Variants in SEMA3E observed in about 807,000 individuals in gnomAD.
SEMA3E encodes the protein semaphorin 3E, also known as semaphorin-3E.
A neutral mutation model predicts 93.6 loss-of-function variants in SEMA3E; 49 were observed. That is an observed-to-expected ratio of 0.52 (90% CI 0.42 to 0.66). The LOEUF is 0.66. SEMA3E is among the 30% of genes least tolerant of loss of function. SEMA3E has a pLI of 0.00. For synonymous variants in SEMA3E, 363 were observed against 330.7 expected (o/e 1.10, Z -1.06); for missense variants, 906 against 964.8 (o/e 0.94, Z 0.81).
chr7:83,386,787 A>G (rs1787891663), intron 15 of SEMA3E, among the ~76,000 whole-genome samples, 196 bp downstream of exon 15: 1 of 152,180 alleles, frequency 6.6e-6, no homozygotes, highest in South Asian at 2.1e-4. Flanking sequence ...TAGCACATAA[A>G]ACTTATTTTC....
chr7:83,625,692 T>C (rs964015034), intron 1 of SEMA3E, among the ~76,000 whole-genome samples: 8 of 151,958 alleles, frequency 5.3e-5, no homozygotes, highest in Non-Finnish European at 2.9e-5. Context: ...TTGAATACCC[T>C]TTATTTCTTT....
chr7:83,645,862 T>A lies in SEMA3E; in HGVS notation c.115+2566A>T, dbSNP rs145382946. ...GAAGGGGAGAGGAAAAGGGCAAATC[T>A]CTGGACATTTTTTTTCTGAACATAT... On this transcript the variant is annotated intron_variant, in intron 1 of 16. Coordinates refer to ENST00000643230, the MANE Select transcript of SEMA3E (RefSeq NM_012431.3). Among the ~76,000 whole-genome samples the A allele has an allele frequency of 1.6e-3, 248 of 152,098 alleles. 1 individual carries two copies. Among genetic ancestry groups the A allele is most frequent in the African/African-American group, 5.8e-3 (239 of 41,548 alleles).
At chr7:83,503,021 T>TC (rs1177854107) in intron 1 of SEMA3E, among the ~76,000 whole-genome samples, 1 of 144,560 alleles carries the variant, frequency 6.9e-6, no homozygotes, top group Non-Finnish European at 1.5e-5. Flanking sequence ...TCTTTTTTTT[T>TC]TTTTTGATGT....
intron 1 of SEMA3E, among the ~76,000 whole-genome samples, chr7:83,552,232 A>G (rs1791781621): frequency 6.6e-6 from 1 of 152,228 alleles, no homozygotes; most frequent in South Asian, 2.1e-4. Flanking sequence ...GCAGAGGAAC[A>G]TAAATTGTGA....
At chr7:83,555,708 G>T (rs549605982) in intron 1 of SEMA3E, among the ~76,000 whole-genome samples, 2 of 152,310 alleles carry the variant, frequency 1.3e-5, no homozygotes, top group East Asian at 3.9e-4. Context: ...AATTGGATCT[G>T]TCTGGCATCT....
At chr7:83,419,753 T>C (rs1476333055) in intron 4 of SEMA3E, among the ~76,000 whole-genome samples, 2 of 136,736 alleles carry the variant, frequency 1.5e-5, no homozygotes, top group Non-Finnish European at 3.2e-5. Context: ...GTTTATATCC[T>C]TCGTCCACTC....
intron 14 of SEMA3E, among the ~76,000 whole-genome samples, chr7:83,387,456 C>A (rs1460407519): frequency 2.0e-5 from 3 of 152,022 alleles, no homozygotes; most frequent in Non-Finnish European, 1.5e-5. Flanking sequence ...GAGTATAAAA[C>A]TCCCATATAT....
chr7:83,407,256 T>C lies in SEMA3E; in HGVS notation c.671-17A>G. 2 of 1,605,738 alleles carry C rather than the reference T, an allele frequency of 1.2e-6. No homozygotes were observed. The highest frequency in any genetic ancestry group is 1.3e-5 in the African/African-American group (1 of 74,826). On this transcript the variant is annotated splice_polypyrimidine_tract_variant and intron_variant, in intron 6 of 16. Transcript: ENST00000643230. ...ATTTTGGTTCTATAGGAGCAAAAAA[T>C]AGGAGAAAAAGTGAAATAGATATTA...
At chr7:83,464,468 GTT>G (rs1207477675) in intron 4 of SEMA3E, among the ~76,000 whole-genome samples, 36 of 102,510 alleles carry the variant, frequency 3.5e-4, no homozygotes, top group East Asian at 8.6e-4. Flanking sequence ...TGTTTACACT[GTT>G]TTTCCAAGCC....
chr7:83,639,639 T>C (rs1364890866), intron 1 of SEMA3E, among the ~76,000 whole-genome samples: 1 of 150,526 alleles, frequency 6.6e-6, no homozygotes, highest in African/African-American at 2.5e-5. Flanking sequence ...TAACACCATA[T>C]CATTCATCTT....
intron 1 of SEMA3E, among the ~76,000 whole-genome samples, chr7:83,608,038 G>C (rs1054403323): frequency 1.3e-5 from 2 of 151,786 alleles, no homozygotes; most frequent in African/African-American, 2.4e-5. Context: ...TGGTGAAACC[G>C]CGTCTCTACT....
chr7:83,575,969 T>A (rs1050338116), intron 1 of SEMA3E, among the ~76,000 whole-genome samples: 2 of 152,180 alleles, frequency 1.3e-5, no homozygotes, highest in Non-Finnish European at 2.9e-5. Flanking sequence ...TGCATAGTTT[T>A]AAGTTTTCAA....
chr7:83,595,731 G>T (rs373132514), intron 1 of SEMA3E, among the ~76,000 whole-genome samples: 5 of 151,984 alleles, frequency 3.3e-5, no homozygotes, highest in African/African-American at 9.6e-5. Context: ...TTGATGTAGT[G>T]CATTATTGGG....
At chr7:83,600,320 C>T (rs1243720460) in intron 1 of SEMA3E, among the ~76,000 whole-genome samples, 2 of 142,928 alleles carry the variant, frequency 1.4e-5, no homozygotes, top group Admixed American at 1.4e-4. Context: ...AATATTAATT[C>T]TTTTTTTTTT....
intron 1 of SEMA3E, among the ~76,000 whole-genome samples, chr7:83,551,906 C>T (rs1477671056): frequency 2.0e-5 from 3 of 152,052 alleles, no homozygotes; most frequent in South Asian, 2.1e-4. Flanking sequence ...AAATATAGAA[C>T]ATAAAAAACC....
intron 2 of SEMA3E, among the ~76,000 whole-genome samples, chr7:83,480,869 A>T (rs897684031): frequency 4.6e-5 from 7 of 152,212 alleles, no homozygotes; most frequent in Non-Finnish European, 1.0e-4. Context: ...TTCTGGTCGC[A>T]TCTTGAAATT....
intron 1 of SEMA3E, among the ~76,000 whole-genome samples, chr7:83,631,654 A>G (rs1793789010): frequency 6.6e-6 from 1 of 152,168 alleles, no homozygotes; most frequent in Admixed American, 6.5e-5. Context: ...GGCACCACAC[A>G]CTGTTACTAC....
intron 1 of SEMA3E, among the ~76,000 whole-genome samples, chr7:83,539,167 C>A (rs552634082): frequency 9.1e-4 from 139 of 152,230 alleles, no homozygotes; most frequent in Admixed American, 3.8e-3. Flanking sequence ...ACATTTAATC[C>A]TTTTATGTTA....
chr7:83,569,741 C>A (rs540887409), intron 1 of SEMA3E, among the ~76,000 whole-genome samples: 1 of 152,272 alleles, frequency 6.6e-6, no homozygotes, highest in South Asian at 2.1e-4. Context: ...AAAACAAGTT[C>A]TCCTTGACTA....
Sources: gnomAD v4.1 joint callset for allele counts (sites outside exome capture counted in the v4.1 genomes callset) on GRCh38, gnomAD v4.1.1 for gene constraint, MANE v1.5 for transcripts, NCBI Gene and HGNC (gene_info 2026-07-23, HGNC 2026-07-21) for gene names.